Variants in NXPH1 observed in about 807,000 individuals in gnomAD.
NXPH1 encodes neurexophilin-1.
NXPH1 carries 5 observed loss-of-function variants against 23.7 expected under a neutral mutation model. The observed-to-expected ratio is 0.21, with a 90% CI of 0.11 to 0.44. NXPH1 has a LOEUF of 0.44. NXPH1 is among the 20% of genes least tolerant of loss of function. The probability of loss-of-function intolerance (pLI) is 0.99; values close to 1 mark genes in which losing one functional copy is unlikely to be tolerated. For missense variants in NXPH1, 324 were observed against 321.6 expected (o/e 1.01, Z -0.06); for synonymous variants, 144 against 122.2 (o/e 1.18, Z -1.18).
chr7:8,711,686 A>C (rs1436966259), intron 2 of NXPH1, among the ~76,000 whole-genome samples: 1 of 152,190 alleles, frequency 6.6e-6, no homozygotes, highest in Non-Finnish European at 1.5e-5. Context: ...GTGTGTATGC[A>C]TACATATGTA....
intron 2 of NXPH1, among the ~76,000 whole-genome samples, chr7:8,707,623 C>CTG (rs1293244503): frequency 6.6e-6 from 1 of 151,942 alleles, no homozygotes; most frequent in African/African-American, 2.4e-5. Context: ...CATACAGATC[C>CTG]ATCAGGATCT....
rs116288915 is a variant in NXPH1, at chr7:8,457,610, C to T, written c.54+21843C>T. On this transcript the variant is annotated intron_variant, in intron 2 of 2. Coordinates refer to ENST00000405863, the MANE Select transcript of NXPH1 (RefSeq NM_152745.3). ...CCTCAGAAGGCAGGTAAGACAACTTCATTGGTCCATTTGGTCTCATATAGC... is the reference window on the plus strand; with the variant it reads ...CCTCAGAAGGCAGGTAAGACAACTTTATTGGTCCATTTGGTCTCATATAGC... Among the ~76,000 whole-genome samples, 810 of 150,638 alleles carry T rather than the reference C, an allele frequency of 5.4e-3. 8 individuals carry two copies. Among genetic ancestry groups the T allele is most frequent in the African/African-American group, 0.019 (784 of 40,800 alleles).
At chr7:8,660,084 A>T (rs1413754519) in intron 2 of NXPH1, among the ~76,000 whole-genome samples, 6 of 152,248 alleles carry the variant, frequency 3.9e-5, no homozygotes, top group Non-Finnish European at 8.8e-5. Context: ...ATTAATTTAA[A>T]TTGCTAAAAT....
At chr7:8,671,254 T>C (rs984225838) in intron 2 of NXPH1, among the ~76,000 whole-genome samples, 3 of 152,230 alleles carry the variant, frequency 2.0e-5, no homozygotes, top group African/African-American at 4.8e-5. Context: ...AATACTATCA[T>C]GTTAAGAAGA....
At chr7:8,572,520 C>A (rs1818668518) in intron 2 of NXPH1, among the ~76,000 whole-genome samples, 1 of 151,886 alleles carries the variant, frequency 6.6e-6, no homozygotes, top group South Asian at 2.1e-4. Flanking sequence ...AGTGGCAAGA[C>A]AGTCTATTAT....
intron 2 of NXPH1, among the ~76,000 whole-genome samples, chr7:8,651,896 G>C (rs1485626483): frequency 2.0e-5 from 3 of 152,094 alleles, no homozygotes; most frequent in East Asian, 1.9e-4. Context: ...ATTAATTTTC[G>C]AGAACAAGTA....
At chr7:8,707,617 C>T (rs1260563540) in intron 2 of NXPH1, among the ~76,000 whole-genome samples, 1 of 151,980 alleles carries the variant, frequency 6.6e-6, no homozygotes, top group East Asian at 1.9e-4. Flanking sequence ...TCATCTCATA[C>T]AGATCCATCA....
At chr7:8,656,530 G>T (rs1311479986) in intron 2 of NXPH1, among the ~76,000 whole-genome samples, 1 of 134,574 alleles carries the variant, frequency 7.4e-6, no homozygotes, top group East Asian at 2.3e-4. Flanking sequence ...TTTTTTCAGA[G>T]GGTGGTTTTT....
chr7:8,707,641 A>T (rs926147245), intron 2 of NXPH1, among the ~76,000 whole-genome samples: 1 of 152,058 alleles, frequency 6.6e-6, no homozygotes, highest in Non-Finnish European at 1.5e-5. Flanking sequence ...TCTGTAGGTC[A>T]GTTTGAATAA....
At chr7:8,672,473 TAAAA>T (rs1043800171) in intron 2 of NXPH1, among the ~76,000 whole-genome samples, 1 of 147,330 alleles carries the variant, frequency 6.8e-6, no homozygotes, top group African/African-American at 2.5e-5. Context: ...AGTATAATAA[TAAAA>T]AAAGATTAAA....
intron 2 of NXPH1, among the ~76,000 whole-genome samples, chr7:8,746,846 G>C (rs1004148645): frequency 2.8e-4 from 41 of 144,436 alleles, no homozygotes; most frequent in African/African-American, 1.0e-3. Flanking sequence ...CTTCTCCCCC[G>C]CTTTCCCCCA....
chr7:8,443,727 G>A (rs1816347500), intron 2 of NXPH1, among the ~76,000 whole-genome samples: 2 of 152,372 alleles, frequency 1.3e-5, no homozygotes, highest in South Asian at 2.1e-4. Flanking sequence ...AATGGGGGAT[G>A]CAGCCTCATT....
intron 2 of NXPH1, among the ~76,000 whole-genome samples, chr7:8,504,352 A>T (rs1817487389): frequency 6.6e-6 from 1 of 151,882 alleles, no homozygotes; most frequent in Admixed American, 6.6e-5. Flanking sequence ...TTGTTTATAT[A>T]TAATTGTATT....
At chr7:8,497,130 C>T (rs947022779) in intron 2 of NXPH1, among the ~76,000 whole-genome samples, 7 of 152,048 alleles carry the variant, frequency 4.6e-5, no homozygotes, top group East Asian at 3.9e-4. Context: ...TCTGTCCTTG[C>T]GATAGTTTTC....
At chr7:8,473,578 C>G (rs1816909942) in intron 2 of NXPH1, among the ~76,000 whole-genome samples, 1 of 152,142 alleles carries the variant, frequency 6.6e-6, no homozygotes. Context: ...AGTTCAACAT[C>G]TTTTCGCTCC....
chr7:8,453,550 A>G (rs1816542117), intron 2 of NXPH1, among the ~76,000 whole-genome samples: 1 of 152,146 alleles, frequency 6.6e-6, no homozygotes, highest in African/African-American at 2.4e-5. Context: ...AGAAAATTTA[A>G]TATGTTTTAT....
At chr7:8,625,944 C>T (rs779142708) in intron 2 of NXPH1, among the ~76,000 whole-genome samples, 2 of 152,128 alleles carry the variant, frequency 1.3e-5, no homozygotes, top group Non-Finnish European at 2.9e-5. Context: ...AGCTGATTTT[C>T]TCTATGACCT....
At chr7:8,733,708 G>A (rs768689994) in intron 2 of NXPH1, among the ~76,000 whole-genome samples, 1 of 151,888 alleles carries the variant, frequency 6.6e-6, no homozygotes, top group Non-Finnish European at 1.5e-5. Context: ...CATATCCTTT[G>A]CCCACTTTTT....
At chr7:8,613,093 A>G (rs949840171) in intron 2 of NXPH1, among the ~76,000 whole-genome samples, 3 of 151,956 alleles carry the variant, frequency 2.0e-5, no homozygotes, top group Admixed American at 2.0e-4. Context: ...CATTTACATA[A>G]CCATGTTTGA....
Sources: gnomAD v4.1 joint callset for allele counts (sites outside exome capture counted in the v4.1 genomes callset) on GRCh38, gnomAD v4.1.1 for gene constraint, MANE v1.5 for transcripts, NCBI Gene and HGNC (gene_info 2026-07-23, HGNC 2026-07-21) for gene names.